The following CDK6 variants were observed in gnomAD, a reference collection of about 807,000 sequenced individuals.
CDK6 encodes the protein cyclin-dependent kinase 6.
CDK6 carries 6 observed loss-of-function variants against 37.1 expected under a neutral mutation model. The observed-to-expected ratio is 0.16, with a 90% CI of 0.09 to 0.32. The LOEUF (loss-of-function observed/expected upper bound fraction) is 0.32, where lower values mean the gene tolerates loss of function less well. Ranked by LOEUF, CDK6 falls within the 10% of genes least tolerant of loss-of-function variation. The pLI is 1.00. For missense variants in CDK6, 224 were observed against 418.9 expected (o/e 0.53, Z 4.06); for synonymous variants, 160 against 161.3 (o/e 0.99, Z 0.06).
rs547455118 is a variant in CDK6 at position 92,831,336 on chromosome 7, T to C, written c.233+1755A>G. 1.2e-4 allele frequency among the ~76,000 whole-genome samples: 19 copies of C among 152,348 alleles called. No individual in the cohort carries two copies. In the South Asian group the frequency reaches 3.9e-3, roughly 32 times the overall value. On this transcript the variant is annotated intron_variant, in intron 2 of 7. Coordinates refer to ENST00000424848, the MANE Select transcript of CDK6 (RefSeq NM_001145306.2). ...ATAGTGTTATACAGGGGTGCCTCTG[T>C]AGTACCTCTACGTTTGGAAGGACAC...
rs76799042 is a variant in CDK6 at position 92,710,176 on chromosome 7, T to C, written c.537+15450A>G. On this transcript the variant is annotated intron_variant, in intron 4 of 7. Coordinates refer to ENST00000424848, the MANE Select transcript of CDK6 (RefSeq NM_001145306.2). Reference sequence around the variant, plus strand: ...TGGCTAGCATAACCTGATTTTCTTTTGGGTAGCAATATGCTTATCTACAGA... The same window carrying C: ...TGGCTAGCATAACCTGATTTTCTTTCGGGTAGCAATATGCTTATCTACAGA... 9.8e-5 allele frequency among the ~76,000 whole-genome samples: 15 copies of C among 152,292 alleles called. No homozygotes were observed. The East Asian group carries it at 2.7e-3, about 27-fold the overall frequency.
At chr7:92,700,249 G>T (rs1451534250) in intron 4 of CDK6, among the ~76,000 whole-genome samples, 1 of 152,170 alleles carries the variant, frequency 6.6e-6, no homozygotes, top group Non-Finnish European at 1.5e-5. Context: ...GTACTAAAGG[G>T]TTTTATGCAG....
At chr7:92,817,548 T>C (rs1239880247) in intron 2 of CDK6, among the ~76,000 whole-genome samples, 1 of 151,980 alleles carries the variant, frequency 6.6e-6, no homozygotes, top group East Asian at 1.9e-4. Context: ...CATCATACTT[T>C]AGGGCAAAAG....
At chr7:92,710,986 C>T in intron 4 of CDK6, 1 of 277,434 alleles carries the variant, frequency 3.6e-6, no homozygotes, top group Non-Finnish European at 5.5e-6. Flanking sequence ...TCAGGAGAGA[C>T]AAAGCAGTGA....
intron 4 of CDK6, among the ~76,000 whole-genome samples, chr7:92,706,753 A>C (rs1797976826): frequency 6.6e-6 from 1 of 152,226 alleles, no homozygotes; most frequent in Admixed American, 6.5e-5. Flanking sequence ...CAAAGCAATT[A>C]ATACTGCCTA....
chr7:92,768,023 A>T (rs1450537301), intron 3 of CDK6, among the ~76,000 whole-genome samples: 1 of 152,182 alleles, frequency 6.6e-6, no homozygotes, highest in East Asian at 1.9e-4. Flanking sequence ...TATAATAACC[A>T]ATACTGTAAA....
chr7:92,657,667 A>T (rs1033875741), intron 5 of CDK6, among the ~76,000 whole-genome samples: 7 of 152,208 alleles, frequency 4.6e-5, no homozygotes, highest in African/African-American at 1.7e-4. Context: ...TCTCTTATGC[A>T]TCAAACCAAA....
At position 92,735,672 on chromosome 7, in the gene CDK6, C is replaced by T. The variant is rs538961898; in HGVS notation, c.370-9879G>A. Among the ~76,000 whole-genome samples the T allele has an allele frequency of 9.2e-5, 14 of 152,254 alleles. No homozygotes were observed. In the South Asian group the frequency reaches 2.9e-3, roughly 32 times the overall value. ...TATTCTCCAAGAATCGAACAAGGCA[C>T]GTTATACATAGAAATCTTTTGGTTT... On this transcript the variant is annotated intron_variant, in intron 3 of 7. Coordinates refer to ENST00000424848, the MANE Select transcript of CDK6 (RefSeq NM_001145306.2).
chr7:92,743,702 G>A (rs1342326306), intron 3 of CDK6, among the ~76,000 whole-genome samples: 1 of 152,212 alleles, frequency 6.6e-6, no homozygotes, highest in African/African-American at 2.4e-5. Flanking sequence ...AGTTGACAAA[G>A]ATGGAGAGCA....
At chr7:92,657,624 G>A (rs1796726066) in intron 5 of CDK6, among the ~76,000 whole-genome samples, 1 of 152,112 alleles carries the variant, frequency 6.6e-6, no homozygotes, top group Admixed American at 6.6e-5. Flanking sequence ...TGATAAAAAG[G>A]AAACCCACAG....
intron 6 of CDK6, among the ~76,000 whole-genome samples, chr7:92,619,466 A>G (rs1795757792): frequency 1.3e-5 from 2 of 151,960 alleles, no homozygotes; most frequent in Non-Finnish European, 2.9e-5. Context: ...CTATTCAAAT[A>G]CTGGAACAAA....
At chr7:92,823,532 T>C (rs1801232331) in intron 2 of CDK6, among the ~76,000 whole-genome samples, 1 of 150,798 alleles carries the variant, frequency 6.6e-6, no homozygotes, top group African/African-American at 2.4e-5. Context: ...TGAATGTATT[T>C]CATTCATGAT....
chr7:92,797,794 A>C (rs1180769844), intron 2 of CDK6, among the ~76,000 whole-genome samples: 1 of 152,156 alleles, frequency 6.6e-6, no homozygotes, highest in African/African-American at 2.4e-5. Flanking sequence ...GTTTATACTG[A>C]ATTGTTTTGG....
Position 92,654,842 on chromosome 7 carries a change from G to GAT in CDK6, c.647+16582_647+16583dup, listed in dbSNP as rs965703422. Among the ~76,000 whole-genome samples, 25 of 152,016 alleles carry GAT rather than the reference G, an allele frequency of 1.6e-4. 1 individual carries two copies. Among genetic ancestry groups the GAT allele is most frequent in the South Asian group, 2.1e-4 (1 of 4,818 alleles). On this transcript the variant is annotated intron_variant, in intron 5 of 7. Coordinates refer to ENST00000424848, the MANE Select transcript of CDK6 (RefSeq NM_001145306.2). ...CATAACAAACCTGTGTCACCAAATG[G>GAT]ATATATATATGTATATTTTTCTGAG...
At chr7:92,621,908 T>G (rs1426315206) in intron 6 of CDK6, among the ~76,000 whole-genome samples, 1 of 152,126 alleles carries the variant, frequency 6.6e-6, no homozygotes, top group Non-Finnish European at 1.5e-5. Context: ...CTGCTTCTAG[T>G]CACTAAAAGA....
At chr7:92,617,730 A>T (rs1418762585) in intron 7 of CDK6, among the ~76,000 whole-genome samples, 1 of 152,226 alleles carries the variant, frequency 6.6e-6, no homozygotes, top group Non-Finnish European at 1.5e-5. Flanking sequence ...AAATTACTTA[A>T]AGTAGCATGA....
chr7:92,613,690 A>C lies in CDK6; in HGVS notation c.*1450T>G, dbSNP rs970271775. 4.3e-5 allele frequency: 10 copies of C among 233,074 alleles called. No homozygotes were observed. Among genetic ancestry groups the C allele is most frequent in the Non-Finnish European group, 8.5e-5 (10 of 117,988 alleles). 14.4% of individuals were successfully genotyped at this position (233,074 alleles called of 1,614,324 possible). A position where few individuals can be genotyped will look rare whatever the true frequency, so the allele number is the denominator to read the frequency against. ...GGCCCTAAAACATAGCTAAAGACAT[A>C]CCCTCAGGTAAAGACACTGAAAATA... is the stretch of plus-strand genomic sequence containing the variant. On this transcript the variant is annotated 3_prime_UTR_variant, in exon 8 of 8. Coordinates refer to ENST00000424848, the MANE Select transcript of CDK6 (RefSeq NM_001145306.2).
intron 5 of CDK6, among the ~76,000 whole-genome samples, chr7:92,628,036 G>A (rs774289159): frequency 6.6e-5 from 10 of 152,032 alleles, no homozygotes; most frequent in Non-Finnish European, 1.0e-4. Context: ...ATTCAATCAA[G>A]TACTTGTCTG....
chr7:92,713,318 A>G (rs1347386885), intron 4 of CDK6, among the ~76,000 whole-genome samples: 2 of 152,220 alleles, frequency 1.3e-5, no homozygotes, highest in African/African-American at 4.8e-5. Context: ...ATCTTAATCT[A>G]GTAAATCATA....
Sources: gnomAD v4.1 joint callset for allele counts (sites outside exome capture counted in the v4.1 genomes callset) on GRCh38, gnomAD v4.1.1 for gene constraint, MANE v1.5 for transcripts, NCBI Gene and HGNC (gene_info 2026-07-23, HGNC 2026-07-21) for gene names.